The following LINGO2 variants were observed in gnomAD, a reference collection of about 807,000 sequenced individuals.
The protein encoded by LINGO2 is leucine-rich repeat and immunoglobulin-like domain-containing nogo receptor-interacting protein 2.
A neutral mutation model predicts 30.6 loss-of-function variants in LINGO2; 14 were observed. The observed-to-expected ratio is 0.46, with a 90% CI of 0.30 to 0.72. LINGO2 has a LOEUF of 0.72. Among genes scored for constraint, LINGO2 ranks in the 30% least tolerant of loss-of-function variants. The pLI is 0.07. For synonymous variants in LINGO2, 317 were observed against 288.5 expected (o/e 1.10, Z -1.00); for missense variants, 729 against 751.7 (o/e 0.97, Z 0.35).
chr9:28,134,473 T>C (rs1827460864), intron 4 of LINGO2, among the ~76,000 whole-genome samples: 1 of 152,196 alleles, frequency 6.6e-6, no homozygotes, highest in Non-Finnish European at 1.5e-5. Flanking sequence ...GTAACTCCAA[T>C]GATAAGTTAG....
At chr9:28,275,176 C>G (rs13294280) in intron 4 of LINGO2, among the ~76,000 whole-genome samples, 1 of 152,076 alleles carries the variant, frequency 6.6e-6, no homozygotes, top group Non-Finnish European at 1.5e-5. Flanking sequence ...TCACGCCATT[C>G]TCCTGCCTCA....
At chr9:28,098,562 A>G in intron 4 of LINGO2, among the ~76,000 whole-genome samples, 1 of 152,104 alleles carries the variant, frequency 6.6e-6, no homozygotes, top group East Asian at 1.9e-4. Context: ...TCCTTCAGGC[A>G]TGGATCTTTC....
intron 4 of LINGO2, among the ~76,000 whole-genome samples, chr9:28,013,344 C>T (rs1433438484): frequency 6.6e-6 from 1 of 152,114 alleles, no homozygotes; most frequent in Non-Finnish European, 1.5e-5. Context: ...ACGATTGTAA[C>T]ATGTAATAGG....
At chr9:28,029,304 G>A (rs1356625346) in intron 4 of LINGO2, among the ~76,000 whole-genome samples, 2 of 152,132 alleles carry the variant, frequency 1.3e-5, no homozygotes, top group African/African-American at 4.8e-5. Flanking sequence ...TGGGATCCAG[G>A]AATCTGAATT....
intron 1 of LINGO2, among the ~76,000 whole-genome samples, chr9:28,544,292 GA>G (rs1821834558): frequency 4.6e-5 from 7 of 152,092 alleles, no homozygotes; most frequent in Admixed American, 4.6e-4. Context: ...TTATGGAATA[GA>G]GTTGCCAGTT....
chr9:28,659,872 G>C (rs1828518054), intron 1 of LINGO2, among the ~76,000 whole-genome samples: 1 of 152,062 alleles, frequency 6.6e-6, no homozygotes, highest in South Asian at 2.1e-4. Context: ...TTTCAATGAG[G>C]AGAATAAAAT....
At chr9:28,844,476 G>A in the LINGO2 span, among the ~76,000 whole-genome samples, 88 of 151,934 alleles carry the variant, frequency 5.8e-4, no homozygotes, top group Non-Finnish European at 9.7e-4. Context: ...TTAAACATTG[G>A]ATAAAAAGTT....
chr9:28,038,813 T>A (rs1346706769), intron 4 of LINGO2, among the ~76,000 whole-genome samples: 1 of 152,176 alleles, frequency 6.6e-6, no homozygotes, highest in Non-Finnish European at 1.5e-5. Context: ...CCTCTTTGCA[T>A]GTATTTTTCA....
chr9:28,964,683 G>A, the LINGO2 span, among the ~76,000 whole-genome samples: 1 of 151,998 alleles, frequency 6.6e-6, no homozygotes, highest in Non-Finnish European at 1.5e-5. Context: ...TACTATGATA[G>A]AGATATTAGA....
chr9:28,547,953 C>T (rs935847657), intron 1 of LINGO2, among the ~76,000 whole-genome samples: 1 of 151,950 alleles, frequency 6.6e-6, no homozygotes, highest in African/African-American at 2.4e-5. Context: ...CTTTTGGTTA[C>T]AAGTAACAAA....
the LINGO2 span, among the ~76,000 whole-genome samples, chr9:28,788,124 G>T: frequency 2.6e-5 from 4 of 152,010 alleles, no homozygotes; most frequent in African/African-American, 7.2e-5. Context: ...TCACAAAAAA[G>T]ATATCTACAA....
At chr9:28,530,823 T>G (rs905177752) in intron 1 of LINGO2, among the ~76,000 whole-genome samples, 17 of 152,124 alleles carry the variant, frequency 1.1e-4, no homozygotes, top group African/African-American at 4.1e-4. Context: ...TGCTTATATA[T>G]GTGTACTGTA....
chr9:28,144,927 G>C (rs1219440908), intron 4 of LINGO2, among the ~76,000 whole-genome samples: 1 of 152,180 alleles, frequency 6.6e-6, no homozygotes, highest in African/African-American at 2.4e-5. Flanking sequence ...AGTCTAGTGG[G>C]GTGGATATTT....
At chr9:27,980,025 C>T (rs967192862) in intron 5 of LINGO2, among the ~76,000 whole-genome samples, 5 of 151,838 alleles carry the variant, frequency 3.3e-5, no homozygotes, top group Non-Finnish European at 7.4e-5. Flanking sequence ...GTGAAGGGGA[C>T]AGGACTTAAG....
chr9:28,627,731 CTT>C (rs1178298932), intron 1 of LINGO2, among the ~76,000 whole-genome samples: 2 of 151,900 alleles, frequency 1.3e-5, no homozygotes, highest in Non-Finnish European at 2.9e-5. Context: ...ATATAAGTCT[CTT>C]TTTTCAAAAT....
the LINGO2 span, among the ~76,000 whole-genome samples, chr9:28,993,333 G>A: frequency 6.6e-6 from 1 of 152,124 alleles, no homozygotes; most frequent in Non-Finnish European, 1.5e-5. Flanking sequence ...TTGAATCTCT[G>A]AATAGACCAA....
chr9:28,029,143 T>G (rs1476540975), intron 4 of LINGO2, among the ~76,000 whole-genome samples: 1 of 152,162 alleles, frequency 6.6e-6, no homozygotes, highest in African/African-American at 2.4e-5. Context: ...TTTATGGTAT[T>G]TAAATATCAA....
At chr9:27,979,990 T>A (rs977082660) in intron 5 of LINGO2, among the ~76,000 whole-genome samples, 6 of 151,952 alleles carry the variant, frequency 3.9e-5, no homozygotes, top group African/African-American at 1.4e-4. Context: ...GGAGGTTGGA[T>A]TCCGGTCCCA....
intron 4 of LINGO2, among the ~76,000 whole-genome samples, chr9:28,055,258 G>A (rs1824871747): frequency 6.6e-6 from 1 of 152,114 alleles, no homozygotes. Flanking sequence ...GCCTCAAACT[G>A]ATTTCCTTTT....
Sources: allele counts gnomAD v4.1 joint callset (sites outside exome capture counted in the v4.1 genomes callset), GRCh38; gene constraint gnomAD v4.1.1; transcripts MANE v1.5; gene names NCBI Gene and HGNC (gene_info 2026-07-23, HGNC 2026-07-21).